Variants in CCDC170 observed in about 807,000 individuals in gnomAD.
The protein encoded by CCDC170 is coiled-coil domain containing 170.
CCDC170 carries 69 observed loss-of-function variants against 72.6 expected under a neutral mutation model. The observed-to-expected ratio is 0.95, with a 90% CI of 0.78 to 1.16. The LOEUF (loss-of-function observed/expected upper bound fraction) is 1.16, where lower values mean the gene tolerates loss of function less well. Ranked by LOEUF, CCDC170 falls within the 50% of genes most tolerant of loss-of-function variation. The pLI, the probability that CCDC170 is intolerant of heterozygous loss-of-function variation, is 0.00. For missense variants in CCDC170, 852 were observed against 832.5 expected (o/e 1.02, Z -0.29); for synonymous variants, 300 against 303.9 (o/e 0.99, Z 0.13).
intron 9 of CCDC170, among the ~76,000 whole-genome samples, chr6:151,605,544 T>G (rs1776769887): frequency 6.6e-6 from 1 of 152,206 alleles, no homozygotes; most frequent in Admixed American, 6.5e-5. Context: ...TCAAAGTAGC[T>G]GCTTTCTGTG....
intron 9 of CCDC170, among the ~76,000 whole-genome samples, chr6:151,606,901 G>C (rs1166064000): frequency 6.6e-6 from 1 of 151,138 alleles, no homozygotes; most frequent in Non-Finnish European, 1.5e-5. Flanking sequence ...TTAAAATTTA[G>C]CTTGTTTTCT....
Position 151,617,865 on chromosome 6 carries a change from G to GT in CCDC170, c.1948-76dup, listed in dbSNP as rs1349768358. 7.9e-6 allele frequency: 11 copies of GT among 1,396,158 alleles called. No homozygotes were observed. The African/African-American group carries it at 1.4e-4, about 18-fold the overall frequency. 86.5% of individuals were successfully genotyped at this position (1,396,158 alleles called of 1,614,324 possible). On this transcript the variant is annotated intron_variant, in intron 10 of 10. Coordinates refer to ENST00000239374, the MANE Select transcript of CCDC170 (RefSeq NM_025059.4). ...TCATGCAAACCTGGGTTTTCTACAG[G>GT]TTTTTTGTTTGTTGCATTTGGCTCA...
intron 7 of CCDC170, among the ~76,000 whole-genome samples, chr6:151,586,878 G>A (rs576868752): frequency 6.6e-5 from 10 of 152,028 alleles, no homozygotes; most frequent in African/African-American, 2.4e-4. Context: ...TCTGCCTCCT[G>A]GGTTCACACC....
At chr6:151,504,810 T>C (rs1473023053) in intron 1 of CCDC170, among the ~76,000 whole-genome samples, 1 of 150,966 alleles carries the variant, frequency 6.6e-6, no homozygotes, top group Non-Finnish European at 1.5e-5. Context: ...GTGGCTGAGA[T>C]CGCAGGAGGG....
At chr6:151,495,572 C>T (rs1345262178) in intron 1 of CCDC170, among the ~76,000 whole-genome samples, 1 of 152,122 alleles carries the variant, frequency 6.6e-6, no homozygotes, top group East Asian at 1.9e-4. Flanking sequence ...TCTCGGCTCG[C>T]CGCCGCCTTG....
At chr6:151,497,678 C>T (rs935788497) in intron 1 of CCDC170, among the ~76,000 whole-genome samples, 3 of 152,010 alleles carry the variant, frequency 2.0e-5, no homozygotes, top group African/African-American at 7.2e-5. Flanking sequence ...TGAAATAACG[C>T]TACCCAGTGA....
At chr6:151,609,189 G>A (rs989951429) in intron 9 of CCDC170, among the ~76,000 whole-genome samples, 1 of 152,106 alleles carries the variant, frequency 6.6e-6, no homozygotes. Context: ...GATGAGTGTT[G>A]GTTGCCTTTA....
chr6:151,615,780 T>C (rs1446990548), intron 10 of CCDC170, 101 bp downstream of exon 10: 16 of 902,336 alleles, frequency 1.8e-5, no homozygotes, highest in Non-Finnish European at 2.8e-5. Flanking sequence ...TAAAAAAGTT[T>C]GGACTGTTTC....
rs1271887701 is a variant in CCDC170, at chr6:151,620,277, A to C, written c.*2130A>C. On this transcript the variant is annotated 3_prime_UTR_variant, in exon 11 of 11. Transcript: ENST00000239374. ...AATGAATTTGACACCTGTTGGTTGG[A>C]TGACAGACCACACAGAGGGAGAGTG... 1 of 151,842 alleles carries C rather than the reference A, an allele frequency of 6.6e-6. No individual in the cohort carries two copies. The highest frequency in any genetic ancestry group is 1.5e-5 in the Non-Finnish European group (1 of 67,974). 9.4% of individuals were successfully genotyped at this position (151,842 alleles called of 1,614,324 possible). A position where few individuals can be genotyped will look rare whatever the true frequency, so the allele number is the denominator to read the frequency against.
chr6:151,562,309 G>C (rs937538729), intron 5 of CCDC170, among the ~76,000 whole-genome samples: 3 of 152,182 alleles, frequency 2.0e-5, no homozygotes, highest in Non-Finnish European at 2.9e-5. Context: ...TACTGCTGGA[G>C]TTCTTGCACT....
intron 7 of CCDC170, among the ~76,000 whole-genome samples, chr6:151,588,055 G>A (rs568328967): frequency 2.6e-5 from 4 of 152,276 alleles, no homozygotes; most frequent in East Asian, 3.9e-4. Flanking sequence ...AACCAAAGGT[G>A]TGAGATGGCA....
At chr6:151,558,232 G>GTTTTTTTTTTTTTTT (rs55648936) in intron 5 of CCDC170, among the ~76,000 whole-genome samples, 7 of 70,870 alleles carry the variant, frequency 9.9e-5, no homozygotes, top group Non-Finnish European at 1.0e-4. Context: ...TGAGATTAGT[G>GTTTTTTTTTTTTTTT]TTTTTTTTTT....
chr6:151,512,792 A>T (rs1165780805), intron 1 of CCDC170, among the ~76,000 whole-genome samples: 2 of 152,152 alleles, frequency 1.3e-5, no homozygotes, highest in African/African-American at 2.4e-5. Flanking sequence ...GTCTGTATAT[A>T]CCAAGTCCTT....
In CCDC170 at chr6:151,615,537, T is replaced by A; in HGVS notation, c.1805T>A (p.Met602Lys). The part of the protein sequence containing the change: ...KMKEKAEKKL[M>K]SVKSELDTTE... ...AAGGAGAAAGCTGAGAAAAAGCTCA[T>A]GTCTGTCAAGTCAGAACTGGATACC... is the stretch of plus-strand genomic sequence containing the variant. Residue 602 changes from methionine to lysine, a missense_variant, in exon 10 of 11, where the codon ATG becomes AAG. Transcript: ENST00000239374. The A allele has an allele frequency of 6.2e-7, 1 of 1,614,084 alleles. No homozygotes were observed. Among genetic ancestry groups the A allele is most frequent in the South Asian group, 1.1e-5 (1 of 91,082 alleles).
intron 7 of CCDC170, among the ~76,000 whole-genome samples, chr6:151,592,662 CAT>C (rs1357822321): frequency 6.6e-6 from 1 of 152,118 alleles, no homozygotes; most frequent in Non-Finnish European, 1.5e-5. Context: ...CCTCCCACAA[CAT>C]GTGGGAATTA....
At chr6:151,503,174 T>A (rs12662412) in intron 1 of CCDC170, among the ~76,000 whole-genome samples, 25,042 of 148,112 alleles carry the variant, frequency 0.17, 2,432 homozygotes, top group East Asian at 0.39. Flanking sequence ...AGACTACATT[T>A]AAAAAAAAAA....
At chr6:151,512,157 TTTTTG>T (rs1782159781) in intron 1 of CCDC170, among the ~76,000 whole-genome samples, 1 of 146,554 alleles carries the variant, frequency 6.8e-6, no homozygotes, top group African/African-American at 2.7e-5. Context: ...ATACCGTTTT[TTTTTG>T]TTTTTTTTTT....
chr6:151,597,496 T>C (rs1776644379), intron 9 of CCDC170, among the ~76,000 whole-genome samples: 1 of 152,200 alleles, frequency 6.6e-6, no homozygotes, highest in African/African-American at 2.4e-5. Context: ...CTGCTATTAG[T>C]GATGATGCAG....
At chr6:151,571,384 T>G in intron 5 of CCDC170, among the ~76,000 whole-genome samples, 1 of 152,172 alleles carries the variant, frequency 6.6e-6, no homozygotes, top group Non-Finnish European at 1.5e-5. Flanking sequence ...ACACGCCGCT[T>G]AATATTTCTT....
Sources: allele counts gnomAD v4.1 joint callset (sites outside exome capture counted in the v4.1 genomes callset), GRCh38; gene constraint gnomAD v4.1.1; transcripts MANE v1.5; gene names NCBI Gene and HGNC (gene_info 2026-07-23, HGNC 2026-07-21).